USH2A: variants seen among roughly 807,000 people sequenced by gnomAD.
USH2A encodes usherin.
USH2A carries 443 observed loss-of-function variants against 538.9 expected under a neutral mutation model. The observed-to-expected ratio is 0.82, with a 90% CI of 0.76 to 0.89. The LOEUF is 0.89. USH2A is among the 40% of genes least tolerant of loss of function. The probability of loss-of-function intolerance (pLI) is 0.00; values close to 1 mark genes in which losing one functional copy is unlikely to be tolerated. For missense variants in USH2A, 6,633 were observed against 6,324.8 expected, an observed-to-expected ratio of 1.05 and a Z score of -1.65; for synonymous variants, 2,413 against 2,273.5, an observed-to-expected ratio of 1.06 and a Z score of -1.75.
Position 215,822,633 on chromosome 1 carries a change from C to G in USH2A, c.9372-5438G>C, listed in dbSNP as rs184707452. Among the ~76,000 whole-genome samples, 31 of 151,954 alleles carry G rather than the reference C, an allele frequency of 2.0e-4. 1 individual carries two copies. The East Asian group carries it at 5.0e-3, about 25-fold the overall frequency. Reference sequence around the variant, plus strand: ...TTTATTTCTTCTCTTGACAAATTGCCTCACCAGGATTTCCAGTATTGTGTT... The same window carrying G: ...TTTATTTCTTCTCTTGACAAATTGCGTCACCAGGATTTCCAGTATTGTGTT... On this transcript the variant is annotated intron_variant, in intron 47 of 71. Coordinates refer to ENST00000307340, the MANE Select transcript of USH2A (RefSeq NM_206933.4).
intron 32 of USH2A, among the ~76,000 whole-genome samples, chr1:216,029,102 G>C (rs1034270297): frequency 1.1e-4 from 17 of 151,930 alleles, no homozygotes; most frequent in African/African-American, 4.1e-4. Context: ...AATTTTGAAT[G>C]AATAATGCAT....
chr1:215,786,596 G>T, intron 52 of USH2A, 74 bp downstream of exon 52: 1 of 1,513,224 alleles, frequency 6.6e-7, no homozygotes, highest in Non-Finnish European at 9.2e-7. Flanking sequence ...ATGTCAGAGT[G>T]AAATAAATCT....
At chr1:216,284,970 T>A (rs961906643) in intron 11 of USH2A, among the ~76,000 whole-genome samples, 20 of 152,242 alleles carry the variant, frequency 1.3e-4, no homozygotes, top group African/African-American at 4.8e-4. Flanking sequence ...TTAGGGTATC[T>A]AGTGGAAGAA....
intron 21 of USH2A, among the ~76,000 whole-genome samples, chr1:216,135,360 T>A (rs1472433005): frequency 6.6e-6 from 1 of 152,046 alleles, no homozygotes; most frequent in Non-Finnish European, 1.5e-5. Context: ...TACAAGCTAT[T>A]ATATAATATT....
chr1:215,859,697 C>A (rs1402655045), intron 44 of USH2A, among the ~76,000 whole-genome samples: 1 of 152,172 alleles, frequency 6.6e-6, no homozygotes, highest in Non-Finnish European at 1.5e-5. Context: ...CAAGGGATGA[C>A]TGTATTTCTT....
chr1:216,003,881 A>T (rs1352664673), intron 32 of USH2A, among the ~76,000 whole-genome samples: 1 of 152,194 alleles, frequency 6.6e-6, no homozygotes, highest in Non-Finnish European at 1.5e-5. Flanking sequence ...ATAAGAATAC[A>T]TCTCACTGAA....
intron 21 of USH2A, among the ~76,000 whole-genome samples, chr1:216,110,658 GATATGTA>G (rs1228881076): frequency 6.6e-6 from 1 of 152,142 alleles, no homozygotes; most frequent in Admixed American, 6.6e-5. Context: ...GTACAAGAGG[GATATGTA>G]ATCTACAGCT....
intron 38 of USH2A, among the ~76,000 whole-genome samples, chr1:215,928,396 T>A (rs2102494453): frequency 6.6e-6 from 1 of 152,256 alleles, no homozygotes; most frequent in South Asian, 2.1e-4. Flanking sequence ...TCATTTTTTT[T>A]GGTGCTAGTA....
chr1:215,877,994 A>G lies in USH2A; in HGVS notation c.8559-114T>C. 7.0e-6 allele frequency: 10 copies of G among 1,436,328 alleles called. No individual in the cohort carries two copies. In the South Asian group the frequency reaches 7.0e-5, roughly 10 times the overall value. 89.0% of individuals were successfully genotyped at this position (1,436,328 alleles called of 1,614,324 possible). ...TGATATATGCGTGGAAGCATAAAGAATAACATCTTAAGTTTACAGTTACGT... is the reference window on the plus strand; with the variant it reads ...TGATATATGCGTGGAAGCATAAAGAGTAACATCTTAAGTTTACAGTTACGT... On this transcript the variant is annotated intron_variant, in intron 42 of 71. Transcript: ENST00000307340.
intron 67 of USH2A, among the ~76,000 whole-genome samples, chr1:215,645,924 A>T (rs1013397302): frequency 6.7e-6 from 1 of 149,086 alleles, no homozygotes; most frequent in African/African-American, 2.5e-5. Context: ...ATGGGAAATT[A>T]AAAAAAAAAC....
At chr1:216,199,178 T>G (rs1327471523) in intron 17 of USH2A, among the ~76,000 whole-genome samples, 2 of 152,216 alleles carry the variant, frequency 1.3e-5, no homozygotes, top group Admixed American at 1.3e-4. Flanking sequence ...AGGGTTCAAA[T>G]GCATGAATGC....
At chr1:216,274,599 G>T (rs1240381073) in intron 11 of USH2A, among the ~76,000 whole-genome samples, 2 of 152,076 alleles carry the variant, frequency 1.3e-5, no homozygotes, top group Non-Finnish European at 1.5e-5. Flanking sequence ...ATAAATAAAT[G>T]AATCTGCAGT....
intron 23 of USH2A, among the ~76,000 whole-genome samples, chr1:216,087,678 C>T (rs2032176172): frequency 6.6e-6 from 1 of 152,096 alleles, no homozygotes; most frequent in Non-Finnish European, 1.5e-5. Context: ...GATAGTTTAC[C>T]AACCCCTATT....
chr1:215,908,479 T>G (rs1162877122), intron 38 of USH2A, among the ~76,000 whole-genome samples: 1 of 151,918 alleles, frequency 6.6e-6, no homozygotes, highest in East Asian at 1.9e-4. Flanking sequence ...AGTACAAATA[T>G]GTTTATGATA....
intron 3 of USH2A, among the ~76,000 whole-genome samples, chr1:216,372,726 C>G (rs996133986): frequency 2.0e-5 from 3 of 152,026 alleles, no homozygotes; most frequent in Non-Finnish European, 4.4e-5. Context: ...TTATTGAATT[C>G]CTAAGGAATA....
chr1:215,728,064 A>C lies in USH2A; in HGVS notation c.12032T>G (p.Phe4011Cys). The C allele has an allele frequency of 6.2e-7, 1 of 1,614,154 alleles. No homozygotes were observed. The highest frequency in any genetic ancestry group is 8.5e-7 in the Non-Finnish European group (1 of 1,180,036). The change falls in exon 61 of 72, where the codon TTT becomes TGT. Residue 4011 changes from phenylalanine (F) to cysteine (C), a missense_variant. By Grantham distance (205) the Phe-to-Cys change is radical. Transcript: ENST00000307340. ...VYQERPDDPT[F>C]NSPTVHAFTV... ...GAAAGCATGCACGGTAGGGCTGTTA[A>C]ATGTAGGATCGTCGGGTCTCTCCTG...
intron 40 of USH2A, among the ~76,000 whole-genome samples, chr1:215,889,937 G>A (rs902609857): frequency 5.3e-5 from 8 of 152,118 alleles, no homozygotes; most frequent in East Asian, 1.9e-4. Context: ...ACTGGGCTGC[G>A]TTAAATTCTG....
chr1:215,673,945 G>A (rs1038851739), intron 63 of USH2A, among the ~76,000 whole-genome samples, 155 bp downstream of exon 63: 8 of 152,080 alleles, frequency 5.3e-5, no homozygotes, highest in African/African-American at 1.9e-4. Context: ...GCTTGGGTGA[G>A]GATGTGCTTT....
intron 21 of USH2A, among the ~76,000 whole-genome samples, chr1:216,148,729 G>A (rs1399850575): frequency 6.6e-6 from 1 of 151,694 alleles, no homozygotes; most frequent in Non-Finnish European, 1.5e-5. Context: ...ACCCTGTGGT[G>A]CCAAACCCAT....
Sources: gnomAD v4.1 joint callset for allele counts (sites outside exome capture counted in the v4.1 genomes callset) on GRCh38, gnomAD v4.1.1 for gene constraint, MANE v1.5 for transcripts, NCBI Gene and HGNC (gene_info 2026-07-23, HGNC 2026-07-21) for gene names.